Variants in SH3BP2 observed in about 807,000 individuals in gnomAD.
SH3BP2 encodes SH3 domain binding protein 2.
A neutral mutation model predicts 56.2 loss-of-function variants in SH3BP2; 38 were observed. The ratio of observed to expected loss-of-function variants is 0.68; its 90% CI spans 0.52 to 0.89. SH3BP2 has a LOEUF of 0.89. SH3BP2 is among the 40% of genes least tolerant of loss of function. The probability of loss-of-function intolerance (pLI) is 0.00; values close to 1 mark genes in which losing one functional copy is unlikely to be tolerated. For synonymous variants in SH3BP2, 346 were observed against 316.7 expected, an observed-to-expected ratio of 1.09 and a Z score of -0.98; for missense variants, 748 against 762.6, an observed-to-expected ratio of 0.98 and a Z score of 0.23.
chr4:2,830,240 C>A, intron 8 of SH3BP2, 93 bp downstream of exon 8: 1 of 1,247,832 alleles, frequency 8.0e-7, no homozygotes, highest in Non-Finnish European at 1.1e-6. Flanking sequence ...GCTCCCCTGG[C>A]ACTCTTAGCC....
intron 1 of SH3BP2, among the ~76,000 whole-genome samples, chr4:2,797,560 C>T (rs1404683702): frequency 2.0e-5 from 3 of 152,232 alleles, no homozygotes; most frequent in African/African-American, 7.2e-5. Context: ...GCAATTTCAG[C>T]TGAAGACATA....
At chr4:2,825,749 C>G (rs1238782634) in intron 5 of SH3BP2, among the ~76,000 whole-genome samples, 3 of 152,260 alleles carry the variant, frequency 2.0e-5, no homozygotes, top group Non-Finnish European at 4.4e-5. Context: ...GGAGGCCTGG[C>G]ATGGCAGCAG....
At chr4:2,798,521 T>A (rs1456986780) in intron 1 of SH3BP2, 1 of 152,180 alleles carries the variant, frequency 6.6e-6, no homozygotes. Context: ...ATCTCCTCTC[T>A]CGGAAACGCC....
intron 1 of SH3BP2, chr4:2,818,996 C>T: frequency 1.5e-6 from 1 of 675,982 alleles, no homozygotes; most frequent in Non-Finnish European, 1.8e-6. Context: ...GAGCAGTGGC[C>T]AATCATAGCT....
chr4:2,815,296 C>T (rs1259577198), intron 1 of SH3BP2, among the ~76,000 whole-genome samples: 1 of 152,208 alleles, frequency 6.6e-6, no homozygotes, highest in East Asian at 1.9e-4. Flanking sequence ...CCTTGAATGG[C>T]CCCTCCTCTG....
intron 1 of SH3BP2, among the ~76,000 whole-genome samples, chr4:2,805,580 A>G (rs1337965917): frequency 1.3e-5 from 2 of 152,216 alleles, no homozygotes; most frequent in Non-Finnish European, 1.5e-5. Flanking sequence ...CACCAAGGAC[A>G]TGGGGGACGG....
At chr4:2,815,514 C>G (rs926873476) in intron 1 of SH3BP2, among the ~76,000 whole-genome samples, 1 of 152,256 alleles carries the variant, frequency 6.6e-6, no homozygotes, top group Non-Finnish European at 1.5e-5. Flanking sequence ...GGCCACTGAG[C>G]TGGACCCATG....
At chr4:2,816,116 G>T (rs1052694034) in intron 1 of SH3BP2, among the ~76,000 whole-genome samples, 1 of 151,824 alleles carries the variant, frequency 6.6e-6, no homozygotes, top group Non-Finnish European at 1.5e-5. Flanking sequence ...GTGCAATGGC[G>T]CAATCTCGGC....
intron 1 of SH3BP2, among the ~76,000 whole-genome samples, chr4:2,797,653 C>T (rs1240061031): frequency 2.0e-5 from 3 of 152,216 alleles, no homozygotes; most frequent in Non-Finnish European, 2.9e-5. Context: ...CCTGAGCCCC[C>T]AGCCTGGTCT....
At position 2,822,965 on chromosome 4, in the gene SH3BP2, G is replaced by A. The variant is rs779608979; in HGVS notation, c.167G>A (p.Arg56His). The A allele has an allele frequency of 3.7e-6, 6 of 1,614,054 alleles. No individual in the cohort carries two copies. The highest frequency in any genetic ancestry group is 1.7e-5 in the Admixed American group (1 of 60,020). Reference protein sequence around the residue: ...WPLRFVIIHKRCVYYFKSSTS... With the variant: ...WPLRFVIIHKHCVYYFKSSTS... ...CTGCGCTTTGTCATCATCCACAAACGCTGCGTCTACTACTTCAAGAGTAGC... is the reference window on the plus strand; with the variant it reads ...CTGCGCTTTGTCATCATCCACAAACACTGCGTCTACTACTTCAAGAGTAGC... Residue 56 changes from arginine (R) to histidine (H), a missense_variant, in exon 3 of 13, where the codon CGC becomes CAC. Arg to His is a conservative substitution (Grantham distance 29, BLOSUM62 0). Transcript: ENST00000503393.
chr4:2,821,200 G>A (rs971057495), intron 2 of SH3BP2, among the ~76,000 whole-genome samples: 4 of 152,240 alleles, frequency 2.6e-5, no homozygotes, highest in African/African-American at 9.6e-5. Flanking sequence ...GGAAGAAGCA[G>A]CCCTCAGGCT....
chr4:2,796,361 C>T, intron 1 of SH3BP2: 2 of 976,574 alleles, frequency 2.0e-6, no homozygotes, highest in Non-Finnish European at 2.4e-6. Context: ...CCAACCTTCT[C>T]TCTTCTCCCC....
At chr4:2,814,673 G>C (rs1264165379) in intron 1 of SH3BP2, 1 of 152,246 alleles carries the variant, frequency 6.6e-6, no homozygotes, top group Non-Finnish European at 1.5e-5. Flanking sequence ...CTGCCCCAGA[G>C]AGCAGCTGCA....
rs1156904887 is a variant in SH3BP2, at chr4:2,822,939, C to T, written c.141C>T (p.Pro47=). Residue 47 remains proline (P), a synonymous_variant, in exon 3 of 13, where the codon CCC becomes CCT. Transcript: ENST00000503393. Reference sequence around the variant, plus strand: ...TGCCCTTGCCACCTCCCACAGGGCCCCTGCGCTTTGTCATCATCCACAAAC... The same window carrying T: ...TGCCCTTGCCACCTCCCACAGGGCCTCTGCGCTTTGTCATCATCCACAAAC... ...GGTQLQLLKW[P]LRFVIIHKRC... is the part of the protein sequence containing the mutation. 6.2e-7 allele frequency: 1 copy of T among 1,613,670 alleles called. No individual in the cohort carries two copies. Among genetic ancestry groups the T allele is most frequent in the Non-Finnish European group, 8.5e-7 (1 of 1,179,806 alleles).
Position 2,832,342 on chromosome 4 carries a change from C to A in SH3BP2, c.1418C>A (p.Ala473Asp). Residue 473 changes from alanine to aspartate, a missense_variant, in exon 11 of 13, where the codon GCT becomes GAT. Coordinates refer to ENST00000503393, the MANE Select transcript of SH3BP2 (RefSeq NM_001122681.2). The stretch of plus-strand genomic sequence containing the variant: ...CTGTCTTATTTTAGGTTGTTCAAGG[C>A]TACAAGCCCCCGGGGAGAGCCCCAG... ...ESCEVERLFK[A>D]TSPRGEPQDG... 6.2e-7 allele frequency: 1 copy of A among 1,614,000 alleles called. No homozygotes were observed. The highest frequency in any genetic ancestry group is 8.5e-7 in the Non-Finnish European group (1 of 1,179,858).
intron 2 of SH3BP2, among the ~76,000 whole-genome samples, chr4:2,821,677 G>T (rs1327943749): frequency 6.6e-6 from 1 of 151,780 alleles, no homozygotes; most frequent in Non-Finnish European, 1.5e-5. Context: ...CCCTCAGCTG[G>T]GACTACAGGC....
At chr4:2,820,035 G>A (rs561692765) in intron 1 of SH3BP2, among the ~76,000 whole-genome samples, 1 of 152,280 alleles carries the variant, frequency 6.6e-6, no homozygotes, top group African/African-American at 2.4e-5. Context: ...TGGTGGTCAC[G>A]ACCACTGCTG....
At chr4:2,800,424 C>T (rs911801356) in intron 1 of SH3BP2, among the ~76,000 whole-genome samples, 14 of 152,286 alleles carry the variant, frequency 9.2e-5, no homozygotes, top group Middle Eastern at 3.4e-3. Context: ...GAGCCTGCCC[C>T]GTGGCTGCTT....
intron 4 of SH3BP2, 66 bp from the exon 5 acceptor site, chr4:2,825,060 G>A: frequency 5.7e-6 from 8 of 1,402,586 alleles, no homozygotes; most frequent in Non-Finnish European, 7.9e-6. Flanking sequence ...GGGCAGTGAA[G>A]GTGGAGGGGT....
Sources: gnomAD v4.1 joint callset for allele counts (sites outside exome capture counted in the v4.1 genomes callset) on GRCh38, gnomAD v4.1.1 for gene constraint, MANE v1.5 for transcripts, NCBI Gene and HGNC (gene_info 2026-07-23, HGNC 2026-07-21) for gene names.